The following FLVCR1 variants were observed in gnomAD, a reference collection of about 807,000 sequenced individuals.
The protein encoded by FLVCR1 is choline/ethanolamine transporter FLVCR1.
A neutral mutation model predicts 53.6 loss-of-function variants in FLVCR1; 34 were observed. The observed-to-expected ratio is 0.63, with a 90% CI of 0.48 to 0.84. The LOEUF (loss-of-function observed/expected upper bound fraction) is 0.84, where lower values mean the gene tolerates loss of function less well. Among genes scored for constraint, FLVCR1 ranks in the 40% least tolerant of loss-of-function variants. FLVCR1 has a pLI of 0.00. For synonymous variants in FLVCR1, 300 were observed against 286.3 expected (o/e 1.05, Z -0.48); for missense variants, 677 against 696.7 (o/e 0.97, Z 0.32).
chr1:212,880,490 CT>C (rs1410922906), intron 3 of FLVCR1, among the ~76,000 whole-genome samples: 1 of 152,118 alleles, frequency 6.6e-6, no homozygotes, highest in Non-Finnish European at 1.5e-5. Context: ...GTCACTTGAC[CT>C]AGGCTAGCTT....
In FLVCR1 at chr1:212,879,555, A is replaced by T. The variant is rs143035184; in HGVS notation, c.1025-3816A>T. Among the ~76,000 whole-genome samples, 125 of 152,256 alleles carry T rather than the reference A, an allele frequency of 8.2e-4. 3 individuals carry two copies. In the East Asian group the frequency reaches 0.021, roughly 26 times the overall value. ...TTTTTGGAAAAAAATTATCGGTAAT[A>T]AAGTCTATAATATAAATAGATGTCT... On this transcript the variant is annotated intron_variant, in intron 3 of 9. Transcript: ENST00000366971.
Position 212,858,775 on chromosome 1 carries a change from T to C in FLVCR1, c.323T>C (p.Phe108Ser), listed in dbSNP as rs2102526758. ...LPLTALSPRR[F>S]VVLLIFSLYS... Reference sequence around the variant, plus strand: ...CTTACGGCGCTCTCCCCGCGGCGCTTCGTGGTGCTCCTGATCTTCAGCCTG... The same window carrying C: ...CTTACGGCGCTCTCCCCGCGGCGCTCCGTGGTGCTCCTGATCTTCAGCCTG... Residue 108 changes from phenylalanine (F) to serine (S), a missense_variant, in exon 1 of 10, where the codon TTC (phenylalanine) becomes TCC (serine). Phe to Ser is a radical substitution (Grantham distance 155). Coordinates refer to ENST00000366971, the MANE Select transcript of FLVCR1 (RefSeq NM_014053.4). 1.2e-6 allele frequency: 2 copies of C among 1,614,102 alleles called. No homozygotes were observed. Among genetic ancestry groups the C allele is most frequent in the African/African-American group, 1.3e-5 (1 of 75,058 alleles).
chr1:212,893,025 T>C (rs1472613441), intron 8 of FLVCR1, among the ~76,000 whole-genome samples: 2 of 148,854 alleles, frequency 1.3e-5, no homozygotes, highest in African/African-American at 4.9e-5. Flanking sequence ...CTGCATCTTA[T>C]GGTAAAACCT....
chr1:212,865,711 A>G (rs1316850307), intron 2 of FLVCR1, among the ~76,000 whole-genome samples: 1 of 151,382 alleles, frequency 6.6e-6, no homozygotes, highest in African/African-American at 2.4e-5. Context: ...CAAACTCCTG[A>G]CCTCAAATGA....
At chr1:212,889,314 ATATT>A in intron 8 of FLVCR1, 57 bp downstream of exon 8, 1 of 1,063,688 alleles carries the variant, frequency 9.4e-7, no homozygotes, top group East Asian at 2.4e-5. Flanking sequence ...ATTTTCATAT[ATATT>A]GCTTCTCAAT....
intron 2 of FLVCR1, among the ~76,000 whole-genome samples, chr1:212,865,126 C>A (rs1183968580): frequency 7.6e-6 from 1 of 131,474 alleles, no homozygotes; most frequent in Non-Finnish European, 1.7e-5. Flanking sequence ...AAAAAAAAAA[C>A]ACCAAAATTC....
rs1372051991 is a variant in FLVCR1, at chr1:212,858,805, C to T, written c.353C>T (p.Ser118Leu). ...GTGCTCCTGATCTTCAGCCTGTACTCGCTGGTCAACGCCTTTCAGTGGATC... is the reference window on the plus strand; with the variant it reads ...GTGCTCCTGATCTTCAGCCTGTACTTGCTGGTCAACGCCTTTCAGTGGATC... The part of the protein sequence containing the change: ...FVVLLIFSLY[S>L]LVNAFQWIQY... Residue 118 changes from serine (S) to leucine (L), a missense_variant, in exon 1 of 10, where the codon TCG (serine) becomes TTG (leucine). Physicochemically the swap from Ser to Leu is moderately radical, Grantham distance 145. Transcript: ENST00000366971. 1.2e-6 allele frequency: 2 copies of T among 1,614,208 alleles called. No individual in the cohort carries two copies. The highest frequency in any genetic ancestry group is 8.5e-7 in the Non-Finnish European group (1 of 1,180,028).
In FLVCR1 at chr1:212,895,521, A is replaced by G. The variant is rs1180234460; in HGVS notation, c.*231A>G. ...ATCATGTTAACACTACTGTTTATCTAATTAGTATCCGGTTTTTAGTCTCAT... is the reference window on the plus strand; with the variant it reads ...ATCATGTTAACACTACTGTTTATCTGATTAGTATCCGGTTTTTAGTCTCAT... On this transcript the variant is annotated 3_prime_UTR_variant, in exon 10 of 10. Coordinates refer to ENST00000366971, the MANE Select transcript of FLVCR1 (RefSeq NM_014053.4). 1.9e-6 allele frequency: 1 copy of G among 533,934 alleles called. No individual in the cohort carries two copies. Among genetic ancestry groups the G allele is most frequent in the African/African-American group, 1.9e-5 (1 of 52,616 alleles). 33.1% of individuals were successfully genotyped at this position (533,934 alleles called of 1,614,324 possible).
At position 212,858,982 on chromosome 1, in the gene FLVCR1, C is replaced by A. The variant is rs1664130625; in HGVS notation, c.530C>A (p.Ala177Asp). The A allele has an allele frequency of 1.9e-6, 3 of 1,613,888 alleles. No homozygotes were observed. In the Admixed American group the frequency reaches 5.0e-5, roughly 27 times the overall value. ...LLDTRGLRLT[A>D]LLGSGLNCLG... ...GACACCAGAGGCCTGCGGCTCACCG[C>A]CCTGCTGGGCTCCGGCCTCAACTGC... Residue 177 changes from alanine to aspartate, a missense_variant, in exon 1 of 10, where the codon GCC becomes GAC. Physicochemically the swap from Ala to Asp is moderately radical, Grantham distance 126. Coordinates refer to ENST00000366971, the MANE Select transcript of FLVCR1 (RefSeq NM_014053.4).
chr1:212,858,749 C>A lies in FLVCR1; in HGVS notation c.297C>A (p.Pro99=). Residue 99 remains proline, a synonymous_variant, in exon 1 of 10, where the codon CCC becomes CCA. Coordinates refer to ENST00000366971, the MANE Select transcript of FLVCR1 (RefSeq NM_014053.4). ...ETPGAESSPL[P]LTALSPRRFV... The stretch of plus-strand genomic sequence containing the variant: ...CGGGGGCCGAGAGCAGCCCGCTGCC[C>A]CTTACGGCGCTCTCCCCGCGGCGCT... The A allele has an allele frequency of 6.2e-7, 1 of 1,613,314 alleles. No individual in the cohort carries two copies.
chr1:212,885,060 C>T (rs1315055423), intron 4 of FLVCR1, among the ~76,000 whole-genome samples: 3 of 152,068 alleles, frequency 2.0e-5, no homozygotes, highest in Non-Finnish European at 4.4e-5. Flanking sequence ...GGAAAATTTA[C>T]CTTTTTTATT....
Position 212,858,766 on chromosome 1 carries a change from C to T in FLVCR1, c.314C>T (p.Pro105Leu), listed in dbSNP as rs748235276. The T allele has an allele frequency of 6.2e-6, 10 of 1,613,982 alleles. No individual in the cohort carries two copies. The change falls in exon 1 of 10, where the codon CCG (proline) becomes CTG (leucine). Residue 105 changes from proline to leucine, a missense_variant. Coordinates refer to ENST00000366971, the MANE Select transcript of FLVCR1 (RefSeq NM_014053.4). ...SSPLPLTALS[P>L]RRFVVLLIFS... is the part of the protein sequence containing the mutation. ...CCGCTGCCCCTTACGGCGCTCTCCC[C>T]GCGGCGCTTCGTGGTGCTCCTGATC...
chr1:212,885,895 C>T (rs763485546), intron 5 of FLVCR1, among the ~76,000 whole-genome samples: 1 of 151,992 alleles, frequency 6.6e-6, no homozygotes, highest in Non-Finnish European at 1.5e-5. Context: ...TTATTGGTCA[C>T]ATTTATTTCA....
chr1:212,884,308 A>C (rs968679307), intron 4 of FLVCR1, among the ~76,000 whole-genome samples: 13 of 151,480 alleles, frequency 8.6e-5, no homozygotes, highest in African/African-American at 3.2e-4. Flanking sequence ...TAAAAAAAAA[A>C]CAGGCTGGGC....
chr1:212,866,327 G>C (rs1664427943), intron 2 of FLVCR1, among the ~76,000 whole-genome samples: 1 of 151,884 alleles, frequency 6.6e-6, no homozygotes, highest in Non-Finnish European at 1.5e-5. Context: ...CACCATGTTG[G>C]CCAGTCTGGT....
chr1:212,890,856 C>G (rs758584445), intron 8 of FLVCR1, among the ~76,000 whole-genome samples: 1 of 152,190 alleles, frequency 6.6e-6, no homozygotes, highest in Non-Finnish European at 1.5e-5. Context: ...ATATACACAA[C>G]TACCTAAGGT....
chr1:212,879,646 C>G (rs1664867949), intron 3 of FLVCR1, among the ~76,000 whole-genome samples: 2 of 152,270 alleles, frequency 1.3e-5, no homozygotes, highest in Middle Eastern at 3.4e-3. Flanking sequence ...GCCTTCACCT[C>G]CTGGGTTCAA....
At chr1:212,863,962 G>A in intron 2 of FLVCR1, 93 bp downstream of exon 2, 1 of 1,027,150 alleles carries the variant, frequency 9.7e-7, no homozygotes, top group South Asian at 1.3e-5. Flanking sequence ...AATATCTCAA[G>A]TGTCATGTGC....
rs41296696 is a variant in FLVCR1, at chr1:212,859,199, T to C, written c.738+9T>C. ...CCGTGCTGGGCAATCAGGTAAGTACTGGAGTGGTAGGTGAAAGTCAGATCC... is the reference window on the plus strand; with the variant it reads ...CCGTGCTGGGCAATCAGGTAAGTACCGGAGTGGTAGGTGAAAGTCAGATCC... On this transcript the variant is annotated intron_variant, in intron 1 of 9. Coordinates refer to ENST00000366971, the MANE Select transcript of FLVCR1 (RefSeq NM_014053.4). 492 of 1,613,932 alleles carry C rather than the reference T, an allele frequency of 3.0e-4. 2 individuals are homozygous for C. In the African/African-American group the frequency reaches 3.4e-3, roughly 11 times the overall value.
Sources: allele counts gnomAD v4.1 joint callset (sites outside exome capture counted in the v4.1 genomes callset), GRCh38; gene constraint gnomAD v4.1.1; transcripts MANE v1.5; gene names NCBI Gene and HGNC (gene_info 2026-07-23, HGNC 2026-07-21).